Variants in WIPI1 observed in about 807,000 individuals in gnomAD.
The protein encoded by WIPI1 is WD repeat domain, phosphoinositide interacting 1, also known as WD repeat domain phosphoinositide-interacting protein 1.
A neutral mutation model predicts 55.3 loss-of-function variants in WIPI1; 45 were observed. The observed-to-expected ratio is 0.81, with a 90% confidence interval of 0.64 to 1.04. WIPI1 has a LOEUF of 1.04. Ranked by LOEUF, WIPI1 falls within the 50% of genes least tolerant of loss-of-function variation. WIPI1 has a pLI of 0.00. For missense variants in WIPI1, 445 were observed against 559.0 expected (o/e 0.80, Z 2.06); for synonymous variants, 195 against 217.6 (o/e 0.90, Z 0.92).
chr17:68,429,491 A>C (rs2083411750), intron 9 of WIPI1, among the ~76,000 whole-genome samples: 1 of 152,230 alleles, frequency 6.6e-6, no homozygotes. Flanking sequence ...AGAAGGCTAA[A>C]ATTCCCATGC....
chr17:68,448,647 T>C (rs969395214), intron 3 of WIPI1, among the ~76,000 whole-genome samples: 17 of 152,170 alleles, frequency 1.1e-4, no homozygotes, highest in South Asian at 2.1e-4. Flanking sequence ...GCAAATACAA[T>C]AGACGCTATT....
chr17:68,437,306 G>C (rs2083858220), intron 4 of WIPI1, among the ~76,000 whole-genome samples: 1 of 152,124 alleles, frequency 6.6e-6, no homozygotes, highest in African/African-American at 2.4e-5. Flanking sequence ...TGTGATCCCA[G>C]CACTTTGGCA....
chr17:68,433,203 C>T (rs2083604939), intron 8 of WIPI1, among the ~76,000 whole-genome samples: 1 of 152,244 alleles, frequency 6.6e-6, no homozygotes, highest in Admixed American at 6.5e-5. Context: ...AACTGAAGGA[C>T]ACAGATCTAA....
rs1042799670 is a variant in WIPI1 at position 68,428,624 on chromosome 17, G to A, written c.1073+205C>T. The A allele has an allele frequency of 3.0e-5, 16 of 531,118 alleles. No homozygotes were observed. The Admixed American group carries it at 4.7e-4, about 16-fold the overall frequency. The allele number at this position is 531,118 out of a possible 1,614,324, so 32.9% of individuals were successfully genotyped here. ...GACCATCTTGTGTGTTATTAATCCTGGCACTTTTCCAGATGATTACCACAT... is the reference window on the plus strand; with the variant it reads ...GACCATCTTGTGTGTTATTAATCCTAGCACTTTTCCAGATGATTACCACAT... On this transcript the variant is annotated intron_variant, in intron 10 of 12. Coordinates refer to ENST00000262139, the MANE Select transcript of WIPI1 (RefSeq NM_017983.7).
chr17:68,425,389 T>C (rs1446714359), intron 12 of WIPI1, among the ~76,000 whole-genome samples: 1 of 150,520 alleles, frequency 6.6e-6, no homozygotes, highest in African/African-American at 2.4e-5. Context: ...TTTCTTTTTT[T>C]TTTTTTTTTT....
At chr17:68,453,091 G>GA in intron 1 of WIPI1, 99 bp from the exon 2 acceptor site, 1 of 896,986 alleles carries the variant, frequency 1.1e-6, no homozygotes, top group Non-Finnish European at 1.8e-6. Context: ...CAGGGGTACA[G>GA]TAAACAAGCA....
chr17:68,433,895 G>A (rs1042581746), intron 7 of WIPI1, among the ~76,000 whole-genome samples: 4 of 146,180 alleles, frequency 2.7e-5, no homozygotes, highest in African/African-American at 1.0e-4. Context: ...CGATTCTCCT[G>A]CCTCAGCCTC....
chr17:68,436,532 A>G (rs984122583), intron 4 of WIPI1, 53 bp from the exon 5 acceptor site: 282 of 1,553,388 alleles, frequency 1.8e-4, no homozygotes, highest in Non-Finnish European at 2.5e-4. Flanking sequence ...GAGAGATTGC[A>G]CGGCTGGAGA....
chr17:68,452,687 T>C (rs995468477), intron 2 of WIPI1, among the ~76,000 whole-genome samples: 4 of 152,248 alleles, frequency 2.6e-5, no homozygotes, highest in African/African-American at 9.6e-5. Flanking sequence ...AATAATTTCT[T>C]CTATAAAAAG....
At chr17:68,433,760 G>GTTGT (rs2083630723) in intron 7 of WIPI1, among the ~76,000 whole-genome samples, 185 bp from the exon 8 acceptor site, 4 of 72,822 alleles carry the variant, frequency 5.5e-5, no homozygotes, top group Non-Finnish European at 7.0e-5. Flanking sequence ...AAGGGTCATA[G>GTTGT]TTTTTTTTTT....
chr17:68,430,594 T>A (rs1014113153), intron 8 of WIPI1, among the ~76,000 whole-genome samples: 5 of 152,112 alleles, frequency 3.3e-5, no homozygotes, highest in African/African-American at 1.2e-4. Context: ...ACTGAGTGGG[T>A]AGCAAACCTC....
chr17:68,457,345 C>G lies in WIPI1; in HGVS notation c.77G>C (p.Cys26Ser). 6.5e-7 allele frequency: 1 copy of G among 1,546,682 alleles called. No individual in the cohort carries two copies. Residue 26 changes from cysteine (C) to serine (S), a missense_variant, in exon 1 of 13, where the codon TGC becomes TCC. Transcript: ENST00000262139. ...CAGGGGCCGAGTCGCAGCTTACGTG[C>G]AGTCCTGGTTGAAAGAGAAGCAGCT... ...ALSCFSFNQD[C>S]TSLATGTKAG...
intron 1 of WIPI1, among the ~76,000 whole-genome samples, chr17:68,456,546 C>T (rs901326013): frequency 1.3e-5 from 2 of 152,196 alleles, no homozygotes; most frequent in African/African-American, 2.4e-5. Context: ...CCTGCAGATG[C>T]CTGAAACACA....
At chr17:68,455,427 A>G (rs1004111269) in intron 1 of WIPI1, among the ~76,000 whole-genome samples, 2 of 151,794 alleles carry the variant, frequency 1.3e-5, no homozygotes, top group South Asian at 2.1e-4. Flanking sequence ...GTATGAGCGT[A>G]GGGGACTGGT....
chr17:68,455,099 C>A (rs1698599973), intron 1 of WIPI1, among the ~76,000 whole-genome samples: 1 of 152,114 alleles, frequency 6.6e-6, no homozygotes, highest in South Asian at 2.1e-4. Context: ...TAGTGTGTCA[C>A]ATCTGTAATC....
intron 1 of WIPI1, among the ~76,000 whole-genome samples, chr17:68,456,192 T>C (rs1005262571): frequency 5.3e-5 from 8 of 152,246 alleles, no homozygotes; most frequent in Non-Finnish European, 1.2e-4. Flanking sequence ...AACCAAGCTG[T>C]AGAGCTACTC....
At position 68,433,479 on chromosome 17, in the gene WIPI1, C is replaced by T. The variant is rs761699547; in HGVS notation, c.789G>A (p.Gln263=). ...TETVHIFKLE[Q]VTNSRPEEPS... is the part of the protein sequence containing the mutation. ...CGCGGAGTACTTGCCTGTTGGTGACCTGTTCCAGCTTGAAGATGTGTACCG... is the reference window on the plus strand; with the variant it reads ...CGCGGAGTACTTGCCTGTTGGTGACTTGTTCCAGCTTGAAGATGTGTACCG... Residue 263 remains glutamine, a synonymous_variant, in exon 8 of 13, where the codon CAG becomes CAA. Coordinates refer to ENST00000262139, the MANE Select transcript of WIPI1 (RefSeq NM_017983.7). 3 of 1,613,946 alleles carry T rather than the reference C, an allele frequency of 1.9e-6. No homozygotes were observed. The highest frequency in any genetic ancestry group is 2.5e-6 in the Non-Finnish European group (3 of 1,179,970).
At chr17:68,456,901 T>C (rs913888503) in intron 1 of WIPI1, among the ~76,000 whole-genome samples, 3 of 152,188 alleles carry the variant, frequency 2.0e-5, no homozygotes, top group Non-Finnish European at 2.9e-5. Context: ...GGAAAGTTTT[T>C]CCTGTACTCT....
chr17:68,456,695 GAGA>G (rs1402393563), intron 1 of WIPI1, among the ~76,000 whole-genome samples: 2 of 152,240 alleles, frequency 1.3e-5, no homozygotes, highest in African/African-American at 2.4e-5. Flanking sequence ...CTTGGACTCC[GAGA>G]AGGAGATCCT....
Sources: gnomAD v4.1 joint callset for allele counts (sites outside exome capture counted in the v4.1 genomes callset) on GRCh38, gnomAD v4.1.1 for gene constraint, MANE v1.5 for transcripts, NCBI Gene and HGNC (gene_info 2026-07-23, HGNC 2026-07-21) for gene names.